The following COBL variants were observed in gnomAD, a reference collection of about 807,000 sequenced individuals.
COBL encodes the protein cordon-bleu WH2 repeat protein.
COBL carries 51 observed loss-of-function variants against 98.8 expected under a neutral mutation model. The ratio of observed to expected loss-of-function variants is 0.52; its 90% CI spans 0.41 to 0.65. The LOEUF is 0.65. COBL is among the 30% of genes least tolerant of loss of function. The pLI is 0.00. For synonymous variants in COBL, 634 were observed against 651.7 expected, an observed-to-expected ratio of 0.97 and a Z score of 0.41; for missense variants, 1,617 against 1,617.5, an observed-to-expected ratio of 1.00 and a Z score of 0.01.
rs139400662 is a variant in COBL, at chr7:51,268,036, C to G, written c.42-48092G>C. ...AAGTGGAAGATCCCTGCCCTGGTAT[C>G]TGGTATTGGTGGTAGAGATGAGGAC... On this transcript the variant is annotated intron_variant, in intron 1 of 12. Transcript: ENST00000265136. Among the ~76,000 whole-genome samples the G allele has an allele frequency of 6.3e-3, 956 of 152,300 alleles. 14 individuals carry two copies. Among genetic ancestry groups the G allele is most frequent in the African/African-American group, 0.022 (902 of 41,564 alleles).
intron 6 of COBL, among the ~76,000 whole-genome samples, chr7:51,096,524 T>C (rs1333416712): frequency 1.3e-5 from 2 of 151,178 alleles, no homozygotes; most frequent in East Asian, 1.9e-4. Flanking sequence ...AAATAGAAAA[T>C]AGAAAAAGGA....
intron 5 of COBL, among the ~76,000 whole-genome samples, chr7:51,160,243 G>A (rs1054663360): frequency 7.2e-5 from 11 of 152,288 alleles, no homozygotes; most frequent in Admixed American, 5.9e-4. Flanking sequence ...GATTTTTCTA[G>A]ATTACACATT....
At chr7:51,219,989 C>A in intron 1 of COBL, 45 bp from the exon 2 acceptor site, 1 of 1,554,206 alleles carries the variant, frequency 6.4e-7, no homozygotes, top group Admixed American at 1.8e-5. Context: ...GGCAATGTTC[C>A]TACCTGCCTC....
At chr7:51,211,301 C>A (rs1792402734) in intron 2 of COBL, among the ~76,000 whole-genome samples, 1 of 152,224 alleles carries the variant, frequency 6.6e-6, no homozygotes, top group African/African-American at 2.4e-5. Context: ...CTCAGAACAG[C>A]CTGCCTGGGA....
rs750775410 is a variant in COBL at position 51,219,738 on chromosome 7, C to T, written c.245+3G>A. 3 of 1,612,960 alleles carry T rather than the reference C, an allele frequency of 1.9e-6. No homozygotes were observed. The highest frequency in any genetic ancestry group is 2.5e-6 in the Non-Finnish European group (3 of 1,179,346). On this transcript the variant is annotated splice_donor_region_variant and intron_variant, in intron 2 of 12. Coordinates refer to ENST00000265136, the MANE Select transcript of COBL (RefSeq NM_015198.5). ...CGACTCCTCCTGCAGCACCGGCTCT[C>T]ACCTCCCATTGAGCACGCTCCTCTT...
chr7:51,138,604 A>T (rs897875827), intron 5 of COBL, among the ~76,000 whole-genome samples: 1 of 152,186 alleles, frequency 6.6e-6, no homozygotes, highest in African/African-American at 2.4e-5. Context: ...GACCTTCCAC[A>T]CTGTTCTGTT....
chr7:51,085,604 T>G (rs1028404150), intron 6 of COBL, among the ~76,000 whole-genome samples: 1 of 152,218 alleles, frequency 6.6e-6, no homozygotes, highest in African/African-American at 2.4e-5. Context: ...CAGGCAAGTC[T>G]GGAGAGTTGG....
chr7:51,271,906 G>A (rs2129165064), intron 1 of COBL, among the ~76,000 whole-genome samples: 1 of 152,188 alleles, frequency 6.6e-6, no homozygotes, highest in Middle Eastern at 3.4e-3. Flanking sequence ...GCGTGTGCCT[G>A]TAATCCCAGC....
At chr7:51,194,085 C>T (rs1790375386) in intron 2 of COBL, among the ~76,000 whole-genome samples, 1 of 152,026 alleles carries the variant, frequency 6.6e-6, no homozygotes, top group Non-Finnish European at 1.5e-5. Flanking sequence ...GTTATTTTTT[C>T]TGATCCTTTC....
intron 2 of COBL, among the ~76,000 whole-genome samples, chr7:51,194,140 T>C (rs553168418): frequency 6.6e-6 from 1 of 152,286 alleles, no homozygotes; most frequent in African/African-American, 2.4e-5. Context: ...GTGTTTGTTG[T>C]TGTTCCCCTC....
At chr7:51,087,538 G>A (rs181788135) in intron 6 of COBL, among the ~76,000 whole-genome samples, 7 of 151,876 alleles carry the variant, frequency 4.6e-5, no homozygotes, top group African/African-American at 1.2e-4. Flanking sequence ...TCACTCTGTC[G>A]CCCAGGCTGA....
At chr7:51,049,149 T>G (rs1300507943) in intron 7 of COBL, among the ~76,000 whole-genome samples, 1 of 152,236 alleles carries the variant, frequency 6.6e-6, no homozygotes, top group Non-Finnish European at 1.5e-5. Flanking sequence ...TTTGTCAATT[T>G]GGTTGGAAAG....
chr7:51,260,098 G>C, intron 1 of COBL: 1 of 1,437,004 alleles, frequency 7.0e-7, no homozygotes, highest in South Asian at 1.2e-5. Flanking sequence ...TTGAGGACTT[G>C]ATAAGCCTTC....
At chr7:51,267,217 A>G (rs1798298206) in intron 1 of COBL, among the ~76,000 whole-genome samples, 1 of 152,226 alleles carries the variant, frequency 6.6e-6, no homozygotes, top group African/African-American at 2.4e-5. Context: ...ATTTTTAACA[A>G]TGCCAAACCT....
chr7:51,026,709 A>T, intron 10 of COBL, 44 bp from the exon 11 acceptor site: 1 of 1,598,122 alleles, frequency 6.3e-7, no homozygotes, highest in Non-Finnish European at 8.6e-7. Flanking sequence ...GAACATGGAG[A>T]AATGTGAACT....
chr7:51,193,374 C>T lies in COBL; in HGVS notation c.456+5G>A. 1 of 1,613,138 alleles carries T rather than the reference C, an allele frequency of 6.2e-7. No individual in the cohort carries two copies. The highest frequency in any genetic ancestry group is 1.1e-5 in the South Asian group (1 of 91,038). Reference sequence around the variant, plus strand: ...ACAGGTATTTCCATGTAGGTACCTACTAACCTCAGGCACCTTAGGGGGACC... The same window carrying T: ...ACAGGTATTTCCATGTAGGTACCTATTAACCTCAGGCACCTTAGGGGGACC... On this transcript the variant is annotated splice_donor_5th_base_variant and intron_variant, in intron 3 of 12. Coordinates refer to ENST00000265136, the MANE Select transcript of COBL (RefSeq NM_015198.5).
intron 3 of COBL, among the ~76,000 whole-genome samples, 164 bp downstream of exon 3, chr7:51,193,215 T>G (rs534995472): frequency 6.6e-6 from 1 of 152,348 alleles, no homozygotes; most frequent in Admixed American, 6.5e-5. Context: ...ACATTTTGTC[T>G]CCTAAAACAA....
intron 4 of COBL, among the ~76,000 whole-genome samples, chr7:51,189,715 G>T (rs529497232): frequency 6.6e-6 from 1 of 152,216 alleles, no homozygotes; most frequent in South Asian, 2.1e-4. Flanking sequence ...GGAAAAACTT[G>T]AATATGTATA....
chr7:51,287,453 C>T (rs1445024850), intron 1 of COBL, among the ~76,000 whole-genome samples: 1 of 152,096 alleles, frequency 6.6e-6, no homozygotes, highest in Non-Finnish European at 1.5e-5. Context: ...ATAAGAATAG[C>T]TAAAATGAAA....
Sources: gnomAD v4.1 joint callset for allele counts (sites outside exome capture counted in the v4.1 genomes callset) on GRCh38, gnomAD v4.1.1 for gene constraint, MANE v1.5 for transcripts, NCBI Gene and HGNC (gene_info 2026-07-23, HGNC 2026-07-21) for gene names.